The following ITGA9 variants were observed in gnomAD, a reference collection of about 807,000 sequenced individuals.
The protein encoded by ITGA9 is integrin alpha-9.
A neutral mutation model predicts 127.8 loss-of-function variants in ITGA9; 56 were observed. The observed-to-expected ratio is 0.44, with a 90% CI of 0.35 to 0.55. The LOEUF (loss-of-function observed/expected upper bound fraction) is 0.55. Among genes scored for constraint, ITGA9 ranks in the 20% least tolerant of loss-of-function variants. ITGA9 has a pLI of 0.00. For synonymous variants in ITGA9, 508 were observed against 514.5 expected (o/e 0.99, Z 0.17); for missense variants, 1,196 against 1,347.1 (o/e 0.89, Z 1.76).
At chr3:37,690,646 T>G (rs1700822626) in intron 18 of ITGA9, among the ~76,000 whole-genome samples, 1 of 152,150 alleles carries the variant, frequency 6.6e-6, no homozygotes, top group Non-Finnish European at 1.5e-5. Context: ...GCAAACAGGA[T>G]GCAACAGCTT....
chr3:37,564,769 C>T lies in ITGA9; in HGVS notation c.1689+22184C>T, dbSNP rs575149099. On this transcript the variant is annotated intron_variant, in intron 15 of 27. Transcript: ENST00000264741. ...GAGCCCTGGGGCTTACCCTGAAGAG[C>T]TTTGGAGCCCACAGCAGAACTCCCA... is the stretch of plus-strand genomic sequence containing the variant. Among the ~76,000 whole-genome samples, 113 of 152,336 alleles carry T rather than the reference C, an allele frequency of 7.4e-4. 1 individual carries two copies. Among genetic ancestry groups the T allele is most frequent in the Admixed American group, 4.5e-3 (69 of 15,306 alleles).
intron 27 of ITGA9, chr3:37,818,191 T>TTAAA (rs1553674108): frequency 9.4e-5 from 3 of 31,970 alleles, no homozygotes; most frequent in African/African-American, 2.8e-4. Context: ...TAAGACTCTC[T>TTAAA]AAAAAAAAAA....
rs539667959 is a variant in ITGA9 at position 37,704,311 on chromosome 3, G to C, written c.2067+20296G>C. Among the ~76,000 whole-genome samples, 609 of 152,274 alleles carry C rather than the reference G, an allele frequency of 4.0e-3. 2 individuals carry two copies. The highest frequency in any genetic ancestry group is 6.5e-3 in the Non-Finnish European group (445 of 68,022). ...TCCCCACCAGCCTCCCCTGGAATGA[G>C]CTTTCCTGAGGTGCCCGCGTGTCTC... is the stretch of plus-strand genomic sequence containing the variant. On this transcript the variant is annotated intron_variant, in intron 18 of 27. Coordinates refer to ENST00000264741, the MANE Select transcript of ITGA9 (RefSeq NM_002207.3).
At chr3:37,683,622 A>G (rs1392657027) in intron 17 of ITGA9, among the ~76,000 whole-genome samples, 1 of 152,194 alleles carries the variant, frequency 6.6e-6, no homozygotes, top group Non-Finnish European at 1.5e-5. Context: ...TTGATGTACA[A>G]GATTTCATGT....
chr3:37,545,022 C>T (rs964985304), intron 15 of ITGA9, among the ~76,000 whole-genome samples: 3 of 152,216 alleles, frequency 2.0e-5, no homozygotes, highest in Non-Finnish European at 2.9e-5. Flanking sequence ...CAGCAGGCAC[C>T]GCCCCGGCTT....
chr3:37,690,916 T>G (rs1442005712), intron 18 of ITGA9, among the ~76,000 whole-genome samples: 1 of 152,138 alleles, frequency 6.6e-6, no homozygotes. Context: ...AGTGAGCTGT[T>G]AAACCAACTA....
chr3:37,600,658 A>G (rs1036057165), intron 15 of ITGA9, among the ~76,000 whole-genome samples: 3 of 152,038 alleles, frequency 2.0e-5, no homozygotes, highest in African/African-American at 7.2e-5. Context: ...CCTTCCCTTC[A>G]TGACTCACTG....
At chr3:37,688,561 T>A (rs1700801455) in intron 18 of ITGA9, among the ~76,000 whole-genome samples, 1 of 152,132 alleles carries the variant, frequency 6.6e-6, no homozygotes, top group South Asian at 2.1e-4. Context: ...ACTCCTCAGC[T>A]CCTCATGAGA....
At chr3:37,657,075 C>T (rs973876873) in intron 17 of ITGA9, among the ~76,000 whole-genome samples, 13 of 152,002 alleles carry the variant, frequency 8.6e-5, no homozygotes, top group East Asian at 1.9e-4. Context: ...TTTTGATGTG[C>T]GGCTGGATTC....
At chr3:37,712,569 T>C (rs1416808665) in intron 18 of ITGA9, among the ~76,000 whole-genome samples, 3 of 152,180 alleles carry the variant, frequency 2.0e-5, no homozygotes, top group African/African-American at 7.2e-5. Context: ...TGGGGTTGGC[T>C]TCGACCACAG....
chr3:37,606,140 AAG>A (rs1355305106), intron 15 of ITGA9, among the ~76,000 whole-genome samples: 1 of 152,230 alleles, frequency 6.6e-6, no homozygotes, highest in Admixed American at 6.5e-5. Flanking sequence ...GCTTTGAACA[AAG>A]CAAGTCTATT....
chr3:37,666,612 A>G (rs1418714923), intron 17 of ITGA9, among the ~76,000 whole-genome samples: 3 of 152,074 alleles, frequency 2.0e-5, no homozygotes, highest in Non-Finnish European at 4.4e-5. Context: ...CAGTGTGGCC[A>G]GGGCCCAAAA....
chr3:37,673,209 G>A (rs1460992595), intron 17 of ITGA9, among the ~76,000 whole-genome samples: 1 of 152,168 alleles, frequency 6.6e-6, no homozygotes, highest in Non-Finnish European at 1.5e-5. Flanking sequence ...GTACCTCGTT[G>A]CACTTTAGGC....
chr3:37,680,751 C>G (rs1355875687), intron 17 of ITGA9, among the ~76,000 whole-genome samples: 2 of 152,210 alleles, frequency 1.3e-5, no homozygotes, highest in African/African-American at 4.8e-5. Flanking sequence ...TAGGTTAGCA[C>G]TCTCTCATAA....
At chr3:37,659,728 G>A (rs1700514477) in intron 17 of ITGA9, among the ~76,000 whole-genome samples, 1 of 152,028 alleles carries the variant, frequency 6.6e-6, no homozygotes, top group Non-Finnish European at 1.5e-5. Context: ...CCTTGCTGGT[G>A]AGGAGTTGTG....
At chr3:37,718,124 C>A (rs1283345326) in intron 18 of ITGA9, among the ~76,000 whole-genome samples, 2 of 152,154 alleles carry the variant, frequency 1.3e-5, no homozygotes, top group African/African-American at 4.8e-5. Context: ...TATGGCCCAA[C>A]AAAGGACACT....
chr3:37,585,647 T>C (rs1331489061), intron 15 of ITGA9: 1 of 516,380 alleles, frequency 1.9e-6, no homozygotes, highest in South Asian at 1.4e-5. Context: ...TGAAGAATGT[T>C]TGTGGCTAAA....
At chr3:37,740,402 C>T (rs1201066992) in intron 20 of ITGA9, among the ~76,000 whole-genome samples, 2 of 152,222 alleles carry the variant, frequency 1.3e-5, no homozygotes, top group Admixed American at 6.5e-5. Context: ...ATAATGATCA[C>T]AATTCCTATT....
chr3:37,737,730 G>GT (rs1456837812), intron 20 of ITGA9, among the ~76,000 whole-genome samples: 1 of 152,186 alleles, frequency 6.6e-6, no homozygotes, highest in Non-Finnish European at 1.5e-5. Context: ...TGGGGTGGTG[G>GT]TTGGACACCC....
Sources: allele counts gnomAD v4.1 joint callset (sites outside exome capture counted in the v4.1 genomes callset), GRCh38; gene constraint gnomAD v4.1.1; transcripts MANE v1.5; gene names NCBI Gene and HGNC (gene_info 2026-07-23, HGNC 2026-07-21).